DYNC2I1: variants seen among roughly 807,000 people sequenced by gnomAD.
The protein encoded by DYNC2I1 is cytoplasmic dynein 2 intermediate chain 1.
In DYNC2I1, 89 loss-of-function variants were observed where a neutral mutation model predicts 133.4. The ratio of observed to expected loss-of-function variants is 0.67; its 90% CI spans 0.56 to 0.80. The LOEUF (loss-of-function observed/expected upper bound fraction) is 0.80. Ranked by LOEUF, DYNC2I1 falls within the 30% of genes least tolerant of loss-of-function variation. The pLI, the probability that DYNC2I1 is intolerant of heterozygous loss-of-function variation, is 0.00. For missense variants in DYNC2I1, 1,291 were observed against 1,314.5 expected, an observed-to-expected ratio of 0.98 and a Z score of 0.28; for synonymous variants, 504 against 484.3, an observed-to-expected ratio of 1.04 and a Z score of -0.54.
intron 23 of DYNC2I1, among the ~76,000 whole-genome samples, chr7:158,937,718 G>C (rs1850907560): frequency 1.3e-5 from 2 of 151,414 alleles, no homozygotes; most frequent in Non-Finnish European, 2.9e-5. Flanking sequence ...GAGCCAGCTT[G>C]AGCAACATAG....
intron 23 of DYNC2I1, 135 bp downstream of exon 23, chr7:158,934,684 G>A: frequency 2.2e-6 from 2 of 900,408 alleles, no homozygotes; most frequent in African/African-American, 1.7e-5. Context: ...GGGCTCAAAT[G>A]ACCCTCCCAC....
chr7:158,948,390 T>C (rs928081586), downstream of DYNC2I1, among the ~76,000 whole-genome samples: 3 of 152,224 alleles, frequency 2.0e-5, no homozygotes, highest in African/African-American at 4.8e-5. Flanking sequence ...TTTTTGTTAT[T>C]TAGAAAACAC....
rs139916828 is a variant in DYNC2I1, at chr7:158,941,653, A to G, written c.2779-272A>G. ...TCCCAGCACTTTGGGAGGCCAAGGTAGGAGGATCACTTGAGGCCAGGAGTT... is the reference window on the plus strand; with the variant it reads ...TCCCAGCACTTTGGGAGGCCAAGGTGGGAGGATCACTTGAGGCCAGGAGTT... On this transcript the variant is annotated intron_variant, in intron 23 of 24. Coordinates refer to ENST00000407559, the MANE Select transcript of DYNC2I1 (RefSeq NM_018051.5). 3.2e-3 allele frequency among the ~76,000 whole-genome samples: 494 copies of G among 152,308 alleles called. 5 individuals carry two copies. Among genetic ancestry groups the G allele is most frequent in the Non-Finnish European group, 4.9e-3 (331 of 67,998 alleles).
chr7:158,890,947 C>T (rs988885807), intron 7 of DYNC2I1, among the ~76,000 whole-genome samples: 1 of 152,224 alleles, frequency 6.6e-6, no homozygotes, highest in Non-Finnish European at 1.5e-5. Context: ...GCTTTTTCTT[C>T]ATCAGATGCA....
intron 24 of DYNC2I1, among the ~76,000 whole-genome samples, chr7:158,943,040 A>G (rs943839128): frequency 2.0e-5 from 3 of 152,128 alleles, no homozygotes; most frequent in Non-Finnish European, 4.4e-5. Context: ...AAATTCTCCT[A>G]CTGTGAGGGT....
chr7:158,870,465 C>T (rs915295270), intron 2 of DYNC2I1, among the ~76,000 whole-genome samples: 2 of 152,064 alleles, frequency 1.3e-5, no homozygotes, highest in Non-Finnish European at 2.9e-5. Context: ...GCTGTCCTCC[C>T]ACCTCAGTCT....
rs1851434003 is a variant in DYNC2I1 at position 158,942,099 on chromosome 7, C to T, written c.2953C>T (p.Leu985Phe). ...ATCCAACATCTACATCTGGGACCTC[C>T]TCCAGAGCGATCTGGGTCCTGTCGC... is the stretch of plus-strand genomic sequence containing the variant. ...DTSNIYIWDL[L>F]QSDLGPVAKQ... The change falls in exon 24 of 25, where the codon CTC becomes TTC. Residue 985 changes from leucine to phenylalanine, a missense_variant. Leu to Phe is a conservative substitution (Grantham distance 22, BLOSUM62 0). Transcript: ENST00000407559. 1.9e-6 allele frequency: 3 copies of T among 1,599,812 alleles called. No individual in the cohort carries two copies. The highest frequency in any genetic ancestry group is 1.1e-5 in the South Asian group (1 of 89,052).
At chr7:158,947,689 G>A (rs146108851), downstream of DYNC2I1, among the ~76,000 whole-genome samples, 178 of 152,310 alleles carry the variant, frequency 1.2e-3, 1 homozygote, top group African/African-American at 4.0e-3. Context: ...TCCTCCTGAC[G>A]TGAGCCTCCT....
At chr7:158,879,628 T>C (rs921701294) in intron 4 of DYNC2I1, 56 bp from the exon 5 acceptor site, 30 of 1,492,652 alleles carry the variant, frequency 2.0e-5, no homozygotes, top group Non-Finnish European at 2.5e-5. Flanking sequence ...GAGGGAGGGC[T>C]GGCTGCACTC....
chr7:158,935,685 G>A (rs925908736), intron 23 of DYNC2I1, among the ~76,000 whole-genome samples: 3 of 152,208 alleles, frequency 2.0e-5, no homozygotes, highest in African/African-American at 7.2e-5. Flanking sequence ...TTGGGAGCCT[G>A]GAATGTGGTC....
chr7:158,846,174 G>A, the DYNC2I1 span, among the ~76,000 whole-genome samples: 23,325 of 152,178 alleles, frequency 0.15, 2,148 homozygotes, highest in Middle Eastern at 0.23. Flanking sequence ...CAGGAGAATC[G>A]CTTGAACCTG....
intron 8 of DYNC2I1, among the ~76,000 whole-genome samples, chr7:158,892,138 C>T (rs998201542): frequency 6.6e-6 from 1 of 152,194 alleles, no homozygotes; most frequent in African/African-American, 2.4e-5. Context: ...GTGCCTGGCC[C>T]ACACTAGGTG....
intron 23 of DYNC2I1, among the ~76,000 whole-genome samples, chr7:158,941,301 G>A (rs1467627547): frequency 6.6e-6 from 1 of 152,044 alleles, no homozygotes; most frequent in South Asian, 2.1e-4. Flanking sequence ...TTTTTAAAAG[G>A]TGCCATATTT....
chr7:158,892,789 A>G (rs557332519), intron 8 of DYNC2I1, among the ~76,000 whole-genome samples: 3 of 151,920 alleles, frequency 2.0e-5, no homozygotes, highest in Non-Finnish European at 2.9e-5. Flanking sequence ...AAAAATACAA[A>G]AATTAGCTGG....
chr7:158,907,047 C>T (rs1423925059), intron 11 of DYNC2I1, among the ~76,000 whole-genome samples: 1 of 151,800 alleles, frequency 6.6e-6, no homozygotes, highest in Non-Finnish European at 1.5e-5. Flanking sequence ...CCTGAGAGGT[C>T]GAGGCCGCAC....
At chr7:158,867,180 C>T (rs749599715) in intron 1 of DYNC2I1, among the ~76,000 whole-genome samples, 61 of 152,232 alleles carry the variant, frequency 4.0e-4, no homozygotes, top group Non-Finnish European at 7.5e-4. Flanking sequence ...TATCATTAAG[C>T]TCTGTTGTAC....
chr7:158,943,347 G>A (rs1037062583), intron 24 of DYNC2I1, among the ~76,000 whole-genome samples: 4 of 152,272 alleles, frequency 2.6e-5, no homozygotes, highest in South Asian at 4.1e-4. Flanking sequence ...CCTGGCGGCC[G>A]GGGCTCCACA....
At chr7:158,955,197 A>C (rs1313464818) in intron 4 of DYNC2I1, among the ~76,000 whole-genome samples, 4 of 152,194 alleles carry the variant, frequency 2.6e-5, no homozygotes, top group African/African-American at 9.6e-5. Context: ...CCCTGGACTT[A>C]ACACTTTACT....
intron 4 of DYNC2I1, among the ~76,000 whole-genome samples, chr7:158,952,469 G>T (rs1258153739): frequency 6.6e-6 from 1 of 152,200 alleles, no homozygotes; most frequent in Non-Finnish European, 1.5e-5. Context: ...CTGAGATGGG[G>T]TCTCCAATGC....
Sources: allele counts gnomAD v4.1 joint callset (sites outside exome capture counted in the v4.1 genomes callset), GRCh38; gene constraint gnomAD v4.1.1; transcripts MANE v1.5; gene names NCBI Gene and HGNC (gene_info 2026-07-23, HGNC 2026-07-21).